CALU: variants seen among roughly 807,000 people sequenced by gnomAD.
CALU encodes IEF SSP 9302.
CALU carries 13 observed loss-of-function variants against 37.5 expected under a neutral mutation model. The observed-to-expected ratio is 0.35, with a 90% CI of 0.23 to 0.55. The LOEUF is 0.55. Ranked by LOEUF, CALU falls within the 20% of genes least tolerant of loss-of-function variation. The probability of loss-of-function intolerance (pLI) is 0.89; values close to 1 mark genes in which losing one functional copy is unlikely to be tolerated. For missense variants in CALU, 282 were observed against 391.7 expected (o/e 0.72, Z 2.36); for synonymous variants, 114 against 133.8 (o/e 0.85, Z 1.02).
At chr7:128,766,041 C>T (rs994794115) in intron 5 of CALU, among the ~76,000 whole-genome samples, 1 of 152,234 alleles carries the variant, frequency 6.6e-6, no homozygotes, top group Non-Finnish European at 1.5e-5. Context: ...ATTGCAACCT[C>T]TGCCTCTGGG....
intron 1 of CALU, among the ~76,000 whole-genome samples, chr7:128,746,174 T>C (rs1257305575): frequency 3.3e-5 from 5 of 152,070 alleles, no homozygotes; most frequent in African/African-American, 1.2e-4. Flanking sequence ...TTTTACATTC[T>C]TTTTTTTGAG....
intron 2 of CALU, among the ~76,000 whole-genome samples, chr7:128,750,301 G>A (rs574261649): frequency 7.3e-5 from 11 of 151,406 alleles, no homozygotes; most frequent in East Asian, 1.9e-4. Context: ...TATTGTGCAC[G>A]TCCAACCCAC....
intron 1 of CALU, among the ~76,000 whole-genome samples, chr7:128,747,109 T>A (rs1800476827): frequency 6.7e-6 from 1 of 149,372 alleles, no homozygotes; most frequent in African/African-American, 2.4e-5. Flanking sequence ...AATCGAGATT[T>A]AATATATTTT....
In CALU at chr7:128,770,201, T is replaced by A. The variant is rs559226411; in HGVS notation, c.*1034T>A. 14 of 152,686 alleles carry A rather than the reference T, an allele frequency of 9.2e-5. No homozygotes were observed. The East Asian group carries it at 2.7e-3, about 29-fold the overall frequency. The allele number at this position is 152,686 out of a possible 1,614,324, so 9.5% of individuals were successfully genotyped here. Reference sequence around the variant, plus strand: ...GGAATTCTCTTAAGAAACCCTGAGATTAAAAAAAGACTATTTGGATAACTT... The same window carrying A: ...GGAATTCTCTTAAGAAACCCTGAGAATAAAAAAAGACTATTTGGATAACTT... On this transcript the variant is annotated 3_prime_UTR_variant, in exon 7 of 7. Coordinates refer to ENST00000249364, the MANE Select transcript of CALU (RefSeq NM_001219.5).
chr7:128,759,856 A>ATACTGAT lies in CALU; in HGVS notation c.643+4_643+5insTACTGAT. 1 of 1,320,856 alleles carries ATACTGAT rather than the reference A, an allele frequency of 7.6e-7. No individual in the cohort carries two copies. The highest frequency in any genetic ancestry group is 1.1e-6 in the Non-Finnish European group (1 of 913,550). The allele number at this position is 1,320,856 out of a possible 1,614,324, so 81.8% of individuals were successfully genotyped here. On this transcript the variant is annotated splice_donor_region_variant and intron_variant, in intron 5 of 6. Transcript: ENST00000249364. ...ATTGATCTAGAAGAGTATATTGGTA[A>ATACTGAT]GTCTCTGCTTTTAGTGTTTTTCTTA... is the stretch of plus-strand genomic sequence containing the variant.
chr7:128,761,128 C>T (rs919281051), intron 5 of CALU, among the ~76,000 whole-genome samples: 1 of 151,930 alleles, frequency 6.6e-6, no homozygotes, highest in African/African-American at 2.4e-5. Flanking sequence ...TTGACATTTC[C>T]CTTTTTAGTT....
Position 128,769,257 on chromosome 7 carries a change from C to T in CALU, c.*90C>T, listed in dbSNP as rs183512762. 2.5e-5 allele frequency: 17 copies of T among 675,686 alleles called. No homozygotes were observed. The East Asian group carries it at 4.7e-4, about 19-fold the overall frequency. 41.9% of individuals were successfully genotyped at this position (675,686 alleles called of 1,614,324 possible). On this transcript the variant is annotated 3_prime_UTR_variant, in exon 7 of 7. Transcript: ENST00000249364. The stretch of plus-strand genomic sequence containing the variant: ...ATTGTTTGCGCTACTGAGACTGTTA[C>T]TACAAACTTTTTAAGACATGAAAAG...
At chr7:128,745,672 T>C (rs1164612921) in intron 1 of CALU, among the ~76,000 whole-genome samples, 1 of 152,236 alleles carries the variant, frequency 6.6e-6, no homozygotes, top group African/African-American at 2.4e-5. Flanking sequence ...ATACTCACTT[T>C]AATGTTGTAT....
intron 3 of CALU, 191 bp downstream of exon 3, chr7:128,754,646 G>T (rs1271754927): frequency 6.4e-7 from 1 of 1,552,240 alleles, no homozygotes; most frequent in Non-Finnish European, 8.7e-7. Context: ...AAAACCAATG[G>T]CAGGAGTTTG....
At chr7:128,750,859 AAG>A (rs1291131557) in intron 2 of CALU, among the ~76,000 whole-genome samples, 1 of 152,228 alleles carries the variant, frequency 6.6e-6, no homozygotes, top group Non-Finnish European at 1.5e-5. Flanking sequence ...TAATAGCTAA[AAG>A]AACACAGGAA....
intron 5 of CALU, among the ~76,000 whole-genome samples, chr7:128,766,874 A>AG (rs1457683041): frequency 2.0e-5 from 3 of 152,292 alleles, no homozygotes; most frequent in Middle Eastern, 3.4e-3. Context: ...CAGTTGTGAA[A>AG]GGGGGGAGAT....
chr7:128,767,339 G>C, intron 5 of CALU, 117 bp from the exon 6 acceptor site: 1 of 769,894 alleles, frequency 1.3e-6, no homozygotes, highest in Non-Finnish European at 2.3e-6. Context: ...AAATACCCTT[G>C]TAGCTGCTGT....
chr7:128,741,762 C>T (rs73236092), intron 1 of CALU, among the ~76,000 whole-genome samples: 1 of 152,170 alleles, frequency 6.6e-6, no homozygotes, highest in Non-Finnish European at 1.5e-5. Flanking sequence ...GCTCCTATCC[C>T]TACATTTCAA....
At chr7:128,767,744 G>A (rs971519935) in intron 6 of CALU, 89 bp downstream of exon 6, 1 of 1,083,570 alleles carries the variant, frequency 9.2e-7, no homozygotes, top group Non-Finnish European at 1.4e-6. Flanking sequence ...GGTGCATAGA[G>A]CATTTAAGGT....
chr7:128,747,195 G>A (rs1349519905), intron 1 of CALU, among the ~76,000 whole-genome samples: 5 of 152,076 alleles, frequency 3.3e-5, no homozygotes, highest in Admixed American at 3.3e-4. Flanking sequence ...CTTAATACAA[G>A]TATCTTTGTC....
intron 3 of CALU, among the ~76,000 whole-genome samples, chr7:128,755,506 T>A (rs1800848322): frequency 6.6e-6 from 1 of 152,296 alleles, no homozygotes; most frequent in East Asian, 1.9e-4. Flanking sequence ...ACTATTTCAG[T>A]ATGTCTGCTT....
chr7:128,764,142 G>A (rs1420317853), intron 5 of CALU, among the ~76,000 whole-genome samples: 1 of 152,090 alleles, frequency 6.6e-6, no homozygotes, highest in African/African-American at 2.4e-5. Context: ...AATAGTCTCT[G>A]TTGGGCCGGA....
intron 4 of CALU, among the ~76,000 whole-genome samples, 180 bp from the exon 5 acceptor site, chr7:128,759,612 A>G (rs752581775): frequency 4.6e-5 from 7 of 152,208 alleles, no homozygotes; most frequent in African/African-American, 7.2e-5. Flanking sequence ...ATGTTTTACC[A>G]TTTCTTGGCT....
At chr7:128,756,688 A>G (rs1319378988) in intron 3 of CALU, among the ~76,000 whole-genome samples, 1 of 152,214 alleles carries the variant, frequency 6.6e-6, no homozygotes, top group East Asian at 1.9e-4. Flanking sequence ...GAGCCTACCT[A>G]AAGCTGTATA....
Sources: allele counts gnomAD v4.1 joint callset (sites outside exome capture counted in the v4.1 genomes callset), GRCh38; gene constraint gnomAD v4.1.1; transcripts MANE v1.5; gene names NCBI Gene and HGNC (gene_info 2026-07-23, HGNC 2026-07-21).